Variants in LRRC4C observed in about 807,000 individuals in gnomAD.
LRRC4C encodes leucine rich repeat containing 4C, also known as leucine-rich repeat-containing protein 4C.
In LRRC4C, 5 loss-of-function variants were observed where a neutral mutation model predicts 33.6. The ratio of observed to expected loss-of-function variants is 0.15; its 90% CI spans 0.08 to 0.31. LRRC4C has a LOEUF of 0.31. Among genes scored for constraint, LRRC4C ranks in the 10% least tolerant of loss-of-function variants. LRRC4C has a pLI of 1.00. For synonymous variants in LRRC4C, 329 were observed against 302.0 expected (o/e 1.09, Z -0.93); for missense variants, 560 against 796.7 (o/e 0.70, Z 3.58).
chr11:41,193,693 G>A (rs1946061125), intron 1 of LRRC4C, among the ~76,000 whole-genome samples: 2 of 152,074 alleles, frequency 1.3e-5, no homozygotes, highest in South Asian at 4.1e-4. Context: ...TAATGGAGAT[G>A]AGTGCTTCTA....
intron 4 of LRRC4C, among the ~76,000 whole-genome samples, chr11:40,253,877 G>A (rs716902): frequency 0.7 from 106,320 of 152,108 alleles, 39,167 homozygotes; most frequent in East Asian, 0.92. Context: ...CTTATCATAC[G>A]TTATTACTTT....
At chr11:40,430,690 T>G (rs1351261030) in intron 3 of LRRC4C, among the ~76,000 whole-genome samples, 1 of 152,108 alleles carries the variant, frequency 6.6e-6, no homozygotes, top group Non-Finnish European at 1.5e-5. Flanking sequence ...TCCCAATTAC[T>G]GACAACCTTG....
intron 1 of LRRC4C, among the ~76,000 whole-genome samples, chr11:41,200,560 C>A (rs1487575662): frequency 6.6e-6 from 1 of 151,984 alleles, no homozygotes; most frequent in Admixed American, 6.6e-5. Flanking sequence ...AACCTACCTA[C>A]TTCTGCAAAA....
intron 1 of LRRC4C, among the ~76,000 whole-genome samples, chr11:41,157,369 A>G (rs890653766): frequency 6.6e-6 from 1 of 152,168 alleles, no homozygotes; most frequent in African/African-American, 2.4e-5. Flanking sequence ...GAAAGACCAC[A>G]TCACAAAGGT....
chr11:40,934,521 G>C lies in LRRC4C; in HGVS notation c.-495-798C>G, dbSNP rs191688789. On this transcript the variant is annotated intron_variant, in intron 1 of 6. Coordinates refer to ENST00000528697, the MANE Select transcript of LRRC4C (RefSeq NM_001258419.2). ...TCTATCCTGGAGTAAATTAGACTTA[G>C]TTAGTACTGCTATAGTTTACGCTAT... Among the ~76,000 whole-genome samples, 11 of 152,168 alleles carry C rather than the reference G, an allele frequency of 7.2e-5. No homozygotes were observed. In the East Asian group the frequency reaches 2.1e-3, roughly 29 times the overall value.
At chr11:40,510,769 T>C (rs796504206) in intron 3 of LRRC4C, among the ~76,000 whole-genome samples, 3 of 152,184 alleles carry the variant, frequency 2.0e-5, no homozygotes, top group African/African-American at 7.2e-5. Context: ...TTGCAGGACT[T>C]TGAAGAGGAG....
At chr11:40,394,597 A>G (rs926233125) in intron 3 of LRRC4C, among the ~76,000 whole-genome samples, 1 of 152,118 alleles carries the variant, frequency 6.6e-6, no homozygotes, top group Non-Finnish European at 1.5e-5. Flanking sequence ...GATCCCCTTG[A>G]TCCATCATAA....
At chr11:41,356,683 A>T (rs1952173752) in intron 1 of LRRC4C, among the ~76,000 whole-genome samples, 1 of 152,150 alleles carries the variant, frequency 6.6e-6, no homozygotes, top group Non-Finnish European at 1.5e-5. Flanking sequence ...CAGACAGTTC[A>T]CACTTCTGGA....
chr11:40,295,299 G>A (rs1173755285), intron 4 of LRRC4C, among the ~76,000 whole-genome samples: 1 of 151,768 alleles, frequency 6.6e-6, no homozygotes, highest in Non-Finnish European at 1.5e-5. Flanking sequence ...AATAAAATTA[G>A]GAATGATAAT....
chr11:40,676,085 C>A (rs1442522785), intron 2 of LRRC4C, among the ~76,000 whole-genome samples: 1 of 152,104 alleles, frequency 6.6e-6, no homozygotes, highest in East Asian at 1.9e-4. Context: ...TAAAGAACAA[C>A]ATATATCTTA....
intron 1 of LRRC4C, among the ~76,000 whole-genome samples, chr11:41,197,363 T>C (rs1169167709): frequency 6.6e-6 from 1 of 152,036 alleles, no homozygotes; most frequent in East Asian, 1.9e-4. Context: ...GACAGGCTTA[T>C]CATTTTATTG....
chr11:40,328,312 G>GT (rs1366664256), intron 3 of LRRC4C, among the ~76,000 whole-genome samples: 10 of 152,098 alleles, frequency 6.6e-5, no homozygotes, highest in African/African-American at 1.4e-4. Context: ...TAGGCTCTCC[G>GT]TTTTTTATTT....
chr11:41,257,668 G>A (rs11036322), intron 1 of LRRC4C, among the ~76,000 whole-genome samples: 6,917 of 152,138 alleles, frequency 0.045, 201 homozygotes, highest in South Asian at 0.074. Context: ...TCACCAGGGG[G>A]CAAAGGAGCT....
At chr11:40,538,712 T>C (rs1956581075) in intron 3 of LRRC4C, among the ~76,000 whole-genome samples, 1 of 152,214 alleles carries the variant, frequency 6.6e-6, no homozygotes. Context: ...CCTTGAGGAA[T>C]TGCCACACTG....
At chr11:40,432,863 C>T (rs1950989243) in intron 3 of LRRC4C, among the ~76,000 whole-genome samples, 1 of 152,126 alleles carries the variant, frequency 6.6e-6, no homozygotes, top group Non-Finnish European at 1.5e-5. Flanking sequence ...TTATTATTTT[C>T]CCAAGAGATA....
intron 3 of LRRC4C, among the ~76,000 whole-genome samples, chr11:40,345,928 G>A (rs1314309117): frequency 1.3e-5 from 2 of 152,078 alleles, no homozygotes; most frequent in African/African-American, 2.4e-5. Context: ...CATACATGAG[G>A]CCAATGAGCA....
chr11:41,009,118 G>C (rs1450142972), intron 1 of LRRC4C, among the ~76,000 whole-genome samples: 1 of 151,966 alleles, frequency 6.6e-6, no homozygotes, highest in Non-Finnish European at 1.5e-5. Flanking sequence ...ATCTGATTTA[G>C]ATAGATATTT....
At chr11:41,095,227 T>C (rs1326469001) in intron 1 of LRRC4C, among the ~76,000 whole-genome samples, 5 of 151,990 alleles carry the variant, frequency 3.3e-5, no homozygotes. Context: ...AGCAAGTGCC[T>C]CACTTTTAAA....
At chr11:40,395,337 GCTCAGCCA>G (rs1565346731) in intron 3 of LRRC4C, among the ~76,000 whole-genome samples, 2 of 152,026 alleles carry the variant, frequency 1.3e-5, no homozygotes, top group Admixed American at 6.6e-5. Flanking sequence ...GCGTAACTCT[GCTCAGCCA>G]CTCATTTATT....
Sources: gnomAD v4.1 joint callset for allele counts (sites outside exome capture counted in the v4.1 genomes callset) on GRCh38, gnomAD v4.1.1 for gene constraint, MANE v1.5 for transcripts, NCBI Gene and HGNC (gene_info 2026-07-23, HGNC 2026-07-21) for gene names.